Variants in LOC128462377 observed in about 807,000 individuals in gnomAD.
chr16:89,394,693 T>A, the LOC128462377 span, among the ~76,000 whole-genome samples: 1 of 151,824 alleles, frequency 6.6e-6, no homozygotes, highest in Non-Finnish European at 1.5e-5. Context: ...CTCGTCTCAA[T>A]AAAACCTGCG....
the LOC128462377 span, among the ~76,000 whole-genome samples, chr16:89,408,627 C>T: frequency 2.0e-5 from 3 of 152,170 alleles, no homozygotes; most frequent in East Asian, 3.8e-4. Context: ...ACGTCCCAGC[C>T]GTGCCCACAG....
chr16:89,395,464 C>A, the LOC128462377 span, among the ~76,000 whole-genome samples: 1 of 152,240 alleles, frequency 6.6e-6, no homozygotes, highest in Non-Finnish European at 1.5e-5. Context: ...GGCTGGGACA[C>A]GTGCTGCTTC....
At chr16:89,394,147 C>T in the LOC128462377 span, among the ~76,000 whole-genome samples, 1 of 152,194 alleles carries the variant, frequency 6.6e-6, no homozygotes, top group Non-Finnish European at 1.5e-5. Context: ...TCAGCTGCTG[C>T]AAGCACAATG....
chr16:89,399,835 G>T, the LOC128462377 span, among the ~76,000 whole-genome samples: 1 of 152,148 alleles, frequency 6.6e-6, no homozygotes, highest in Non-Finnish European at 1.5e-5. Context: ...CATCCTGTCA[G>T]AAAGACAAAA....
the LOC128462377 span, among the ~76,000 whole-genome samples, chr16:89,361,151 C>T: frequency 5.3e-5 from 8 of 152,338 alleles, no homozygotes; most frequent in East Asian, 1.5e-3. Context: ...GTACTTCTTC[C>T]TGTAAGCCTG....
At chr16:89,391,075 A>C in the LOC128462377 span, among the ~76,000 whole-genome samples, 1 of 152,040 alleles carries the variant, frequency 6.6e-6, no homozygotes, top group Non-Finnish European at 1.5e-5. Context: ...AAAAATACAA[A>C]AAATTAGCCG....
chr16:89,388,025 AAAG>A, the LOC128462377 span, among the ~76,000 whole-genome samples: 5 of 152,010 alleles, frequency 3.3e-5, no homozygotes, highest in South Asian at 2.1e-4. Context: ...AAAAAAAAAA[AAAG>A]GACTGTGCTC....
chr16:89,388,979 A>G, the LOC128462377 span, among the ~76,000 whole-genome samples: 1 of 152,220 alleles, frequency 6.6e-6, no homozygotes, highest in African/African-American at 2.4e-5. Flanking sequence ...TCCAGCACAT[A>G]ATGAGGTAAA....
chr16:89,401,367 C>T, the LOC128462377 span, among the ~76,000 whole-genome samples: 3 of 152,104 alleles, frequency 2.0e-5, no homozygotes, highest in East Asian at 1.9e-4. Context: ...CGAGCCACTG[C>T]GTCTGGCATT....
At chr16:89,392,686 G>A in the LOC128462377 span, 2 of 149,574 alleles carry the variant, frequency 1.3e-5, no homozygotes, top group Non-Finnish European at 3.0e-5. Context: ...CAGCCTACAA[G>A]AGCAGACCCA....
chr16:89,344,016 G>A, the LOC128462377 span, among the ~76,000 whole-genome samples: 1 of 152,146 alleles, frequency 6.6e-6, no homozygotes, highest in Non-Finnish European at 1.5e-5. Context: ...AAATATCGGT[G>A]CAGGCGGCCA....
chr16:89,332,341 A>G, the LOC128462377 span, among the ~76,000 whole-genome samples: 1 of 152,192 alleles, frequency 6.6e-6, no homozygotes, highest in African/African-American at 2.4e-5. Context: ...GGATGGCCCA[A>G]GCACCTCTGG....
At chr16:89,366,392 G>A in the LOC128462377 span, among the ~76,000 whole-genome samples, 1 of 152,170 alleles carries the variant, frequency 6.6e-6, no homozygotes, top group South Asian at 2.1e-4. Context: ...TTAGCTCTTA[G>A]AGGAATCGCC....
At chr16:89,391,227 C>CAAAA in the LOC128462377 span, among the ~76,000 whole-genome samples, 1 of 95,336 alleles carries the variant, frequency 1.0e-5, no homozygotes. Context: ...GACTCTGTCT[C>CAAAA]AAAAAAAAAA....
the LOC128462377 span, among the ~76,000 whole-genome samples, chr16:89,402,371 G>A: frequency 1.2e-4 from 19 of 152,226 alleles, no homozygotes; most frequent in South Asian, 4.1e-4. Context: ...GGGATTGAGC[G>A]CTTATTTAAA....
chr16:89,407,711 A>T, the LOC128462377 span, among the ~76,000 whole-genome samples: 1 of 152,096 alleles, frequency 6.6e-6, no homozygotes, highest in Non-Finnish European at 1.5e-5. Flanking sequence ...TTAGCCAGGC[A>T]TTGTGGTGTG....
chr16:89,326,198 G>T, the LOC128462377 span, among the ~76,000 whole-genome samples: 1 of 152,318 alleles, frequency 6.6e-6, no homozygotes, highest in East Asian at 1.9e-4. Flanking sequence ...AGGCAGGGAC[G>T]GCAGATGGAG....
the LOC128462377 span, among the ~76,000 whole-genome samples, chr16:89,332,497 G>C: frequency 2.0e-5 from 3 of 152,200 alleles, no homozygotes; most frequent in South Asian, 4.1e-4. Context: ...CAAGACAAAT[G>C]CAAGAAAACA....
the LOC128462377 span, among the ~76,000 whole-genome samples, chr16:89,394,227 T>C: frequency 6.6e-6 from 1 of 152,232 alleles, no homozygotes; most frequent in East Asian, 1.9e-4. Flanking sequence ...GGGCACGTTC[T>C]GGGACTGCAG....
Sources: allele counts gnomAD v4.1 joint callset (sites outside exome capture counted in the v4.1 genomes callset), GRCh38; gene constraint gnomAD v4.1.1; transcripts MANE v1.5.